The following EIF3B variants were observed in gnomAD, a reference collection of about 807,000 sequenced individuals.
EIF3B encodes eukaryotic translation initiation factor 3 subunit B, also known as eukaryotic translation initiation factor 3 subunit 9.
A neutral mutation model predicts 104.6 loss-of-function variants in EIF3B; 10 were observed. The ratio of observed to expected loss-of-function variants is 0.10; its 90% CI spans 0.06 to 0.16. The LOEUF is 0.16. EIF3B is among the 10% of genes least tolerant of loss of function. EIF3B has a pLI of 1.00. For synonymous variants in EIF3B, 542 were observed against 417.2 expected, an observed-to-expected ratio of 1.30 and a Z score of -3.65; for missense variants, 1,014 against 1,087.9, an observed-to-expected ratio of 0.93 and a Z score of 0.96.
At position 2,360,878 on chromosome 7, in the gene EIF3B, C is replaced by T; in HGVS notation, c.668C>T (p.Pro223Leu). 2.5e-6 allele frequency: 4 copies of T among 1,612,910 alleles called. No homozygotes were observed. Among genetic ancestry groups the T allele is most frequent in the Non-Finnish European group, 3.4e-6 (4 of 1,179,088 alleles). Residue 223 changes from proline to leucine, a missense_variant, in exon 2 of 19, where the codon CCT becomes CTT. By Grantham distance (98) the Pro-to-Leu change is moderately conservative. Around this residue, in one of 4 missense-constraint regions of EIF3B, gnomAD observed 488 missense variants for 404.3 expected, o/e 1.21. Coordinates refer to ENST00000360876, the MANE Select transcript of EIF3B (RefSeq NM_001037283.2). ...GGGAAAATCACAAATGATTTTTATC[C>T]TGAAGAGGATGGGAAGACAAAAGGG... is the stretch of plus-strand genomic sequence containing the variant. ...KFGKITNDFY[P>L]EEDGKTKGYI...
At chr7:2,366,938 G>A in intron 8 of EIF3B, 61 bp from the exon 9 acceptor site, 1 of 1,530,974 alleles carries the variant, frequency 6.5e-7, no homozygotes, top group Non-Finnish European at 9.0e-7. Flanking sequence ...AAAAAGTTAG[G>A]TGTGTTTCTG....
intron 2 of EIF3B, among the ~76,000 whole-genome samples, chr7:2,362,196 G>A (rs1779768094): frequency 6.6e-6 from 1 of 152,106 alleles, no homozygotes; most frequent in Non-Finnish European, 1.5e-5. Context: ...CTGACCTCAA[G>A]TGATCTGCCC....
At chr7:2,362,262 GA>G (rs1364793830) in intron 2 of EIF3B, among the ~76,000 whole-genome samples, 1 of 152,076 alleles carries the variant, frequency 6.6e-6, no homozygotes, top group Admixed American at 6.6e-5. Context: ...GCCCAGCCAA[GA>G]TTTTTTTTTA....
chr7:2,370,155 G>T (rs1296475976), intron 10 of EIF3B, among the ~76,000 whole-genome samples: 1 of 151,812 alleles, frequency 6.6e-6, no homozygotes, highest in Non-Finnish European at 1.5e-5. Context: ...TTTGGTGGTT[G>T]ATCATTTAAT....
At chr7:2,380,035 TC>T in intron 18 of EIF3B, 168 bp from the exon 19 acceptor site, 1 of 260,018 alleles carries the variant, frequency 3.8e-6, no homozygotes, top group Non-Finnish European at 7.7e-6. Flanking sequence ...CTGGTTGCTG[TC>T]CCCCCAGGGT....
At chr7:2,376,720 C>G (rs551326182) in intron 14 of EIF3B, 6 of 540,554 alleles carry the variant, frequency 1.1e-5, no homozygotes, top group Non-Finnish European at 1.9e-5. Flanking sequence ...CAGGCCTGTG[C>G]TGTGATGAGC....
chr7:2,370,518 A>G (rs934799000), intron 10 of EIF3B, among the ~76,000 whole-genome samples: 1 of 152,108 alleles, frequency 6.6e-6, no homozygotes, highest in African/African-American at 2.4e-5. Flanking sequence ...CCTCTAATAG[A>G]AGTATTCTTC....
chr7:2,355,216 C>A lies in EIF3B; in HGVS notation c.295C>A (p.Pro99Thr). The change falls in exon 1 of 19, where the codon CCC (proline) becomes ACC (threonine). Residue 99 changes from proline to threonine, a missense_variant. Pro to Thr is a conservative substitution (Grantham distance 38). This residue lies in a region of EIF3B where 488 missense variants were observed against 404.3 expected (regional missense o/e 1.21). Transcript: ENST00000360876. ...AEELPGSHAE[P>T]PVPAQGEAPG... ...GGAGCTGCCCGGGTCGCATGCTGAG[C>A]CCCCTGTCCCGGCACAGGGCGAGGC... 1 of 1,491,956 alleles carries A rather than the reference C, an allele frequency of 6.7e-7. No individual in the cohort carries two copies. 92.4% of individuals were successfully genotyped at this position (1,491,956 alleles called of 1,614,324 possible).
intron 10 of EIF3B, among the ~76,000 whole-genome samples, chr7:2,371,114 A>T (rs988607554): frequency 6.6e-6 from 1 of 152,204 alleles, no homozygotes; most frequent in Non-Finnish European, 1.5e-5. Flanking sequence ...GAAACAACAT[A>T]CCTGTTAGCA....
intron 2 of EIF3B, among the ~76,000 whole-genome samples, chr7:2,362,040 A>G (rs940059678): frequency 6.6e-6 from 1 of 151,910 alleles, no homozygotes; most frequent in African/African-American, 2.4e-5. Context: ...GCTCACTGCA[A>G]CCTCCGCCTC....
chr7:2,356,457 C>G (rs1175897041), intron 1 of EIF3B, among the ~76,000 whole-genome samples: 1 of 151,858 alleles, frequency 6.6e-6, no homozygotes, highest in Non-Finnish European at 1.5e-5. Flanking sequence ...AAAAAATTAG[C>G]CGGGCGTGGT....
Position 2,379,396 on chromosome 7 carries a change from G to A in EIF3B, c.2344G>A (p.Val782Met). ...ATCTGCGCCCTTTGTCCCCTCAGGGGTGGACACTGACGAGCTGGACAGCAA... is the reference window on the plus strand; with the variant it reads ...ATCTGCGCCCTTTGTCCCCTCAGGGATGGACACTGACGAGCTGGACAGCAA... The part of the protein sequence containing the change: ...KNERLELRGG[V>M]DTDELDSNVD... The change falls in exon 18 of 19, where the codon GTG becomes ATG. Residue 782 changes from valine to methionine, a missense_variant and splice_region_variant. Around this residue, in one of 4 missense-constraint regions of EIF3B, gnomAD observed 266 missense variants for 324.0 expected, o/e 0.82. Transcript: ENST00000360876. 1 of 1,586,790 alleles carries A rather than the reference G, an allele frequency of 6.3e-7. No homozygotes were observed. The highest frequency in any genetic ancestry group is 8.6e-7 in the Non-Finnish European group (1 of 1,165,954).
chr7:2,360,945 C>T lies in EIF3B; in HGVS notation c.692+43C>T, dbSNP rs746895400. On this transcript the variant is annotated intron_variant, in intron 2 of 18. Transcript: ENST00000360876. ...GGAGAAGTATCATCTGTGTCTGGCA[C>T]GTCATGATGAGGGAGTGTTGCAGGA... The T allele has an allele frequency of 1.3e-5, 19 of 1,500,144 alleles. 1 individual carries two copies. The highest frequency in any genetic ancestry group is 5.9e-5 in the South Asian group (5 of 84,226). The allele number at this position is 1,500,144 out of a possible 1,614,324, so 92.9% of individuals were successfully genotyped here. A position where few individuals can be genotyped will look rare whatever the true frequency, so the allele number is the denominator to read the frequency against.
rs948079594 is a variant in EIF3B at position 2,380,679 on chromosome 7, C to T, written c.*490C>T. ...GCGCCGCCATGCCTTGTACCCCCAC[C>T]GTGCAGGTTGTGGCCGGTTTTCTCC... On this transcript the variant is annotated 3_prime_UTR_variant, in exon 19 of 19. Transcript: ENST00000360876. The T allele has an allele frequency of 1.5e-5, 3 of 193,628 alleles. No homozygotes were observed. Among genetic ancestry groups the T allele is most frequent in the Admixed American group, 1.2e-4 (2 of 17,384 alleles). The allele number at this position is 193,628 out of a possible 1,614,324, so 12.0% of individuals were successfully genotyped here. A position where few individuals can be genotyped will look rare whatever the true frequency, so the allele number is the denominator to read the frequency against.
intron 18 of EIF3B, 100 bp from the exon 19 acceptor site, chr7:2,380,104 T>G (rs958355830): frequency 1.3e-5 from 4 of 308,104 alleles, no homozygotes; most frequent in Non-Finnish European, 2.6e-5. Context: ...CCGGGGTGGC[T>G]CCTCTTGCGG....
chr7:2,366,138 A>G (rs1327304373), intron 6 of EIF3B, among the ~76,000 whole-genome samples, 179 bp from the exon 7 acceptor site: 1 of 152,014 alleles, frequency 6.6e-6, no homozygotes, highest in Non-Finnish European at 1.5e-5. Flanking sequence ...GCGTATTGAC[A>G]CCAGAATGAA....
chr7:2,368,625 G>A (rs1055329749), intron 9 of EIF3B, among the ~76,000 whole-genome samples: 1 of 152,188 alleles, frequency 6.6e-6, no homozygotes, highest in Non-Finnish European at 1.5e-5. Flanking sequence ...CCTCGTCTTT[G>A]ATCTAGAAAC....
In EIF3B at chr7:2,369,453, T is replaced by G. The variant is rs1342154650; in HGVS notation, c.1404-19T>G. ...ATCACTTGGTCTTTGCTTTAACATTTTATTTTCCTGTTCTGCAGAGACTTT... is the reference window on the plus strand; with the variant it reads ...ATCACTTGGTCTTTGCTTTAACATTGTATTTTCCTGTTCTGCAGAGACTTT... On this transcript the variant is annotated intron_variant, in intron 9 of 18. Transcript: ENST00000360876. 11 of 1,613,172 alleles carry G rather than the reference T, an allele frequency of 6.8e-6. No homozygotes were observed. The highest frequency in any genetic ancestry group is 9.3e-6 in the Non-Finnish European group (11 of 1,179,378).
rs1261224670 is a variant in EIF3B at position 2,380,357 on chromosome 7, C to G, written c.*168C>G. 1.9e-6 allele frequency: 1 copy of G among 518,868 alleles called. No individual in the cohort carries two copies. The highest frequency in any genetic ancestry group is 5.4e-5 in the East Asian group (1 of 18,352). The allele number at this position is 518,868 out of a possible 1,614,324, so 32.1% of individuals were successfully genotyped here. A position where few individuals can be genotyped will look rare whatever the true frequency, so the allele number is the denominator to read the frequency against. On this transcript the variant is annotated 3_prime_UTR_variant, in exon 19 of 19. Transcript: ENST00000360876. Reference sequence around the variant, plus strand: ...CCCGCCTCCTCCCTGTGCTCTCTGGCTCTGGACTGTGACTGCGCCTGGATT... The same window carrying G: ...CCCGCCTCCTCCCTGTGCTCTCTGGGTCTGGACTGTGACTGCGCCTGGATT...
Sources: gnomAD v4.1 joint callset for allele counts (sites outside exome capture counted in the v4.1 genomes callset) on GRCh38, gnomAD v4.1.1 for gene constraint, gnomAD v4.1.1 regional missense constraint, MANE v1.5 for transcripts, NCBI Gene and HGNC (gene_info 2026-07-23, HGNC 2026-07-21) for gene names.